The following LDLRAD3 variants were observed in gnomAD, a reference collection of about 807,000 sequenced individuals.
LDLRAD3 encodes the protein low density lipoprotein receptor class A domain containing 3.
LDLRAD3 carries 20 observed loss-of-function variants against 29.4 expected under a neutral mutation model. The ratio of observed to expected loss-of-function variants is 0.68; its 90% CI spans 0.48 to 0.99. The LOEUF is 0.99. Among genes scored for constraint, LDLRAD3 ranks in the 50% least tolerant of loss-of-function variants. The pLI, the probability that LDLRAD3 is intolerant of heterozygous loss-of-function variation, is 0.00. For synonymous variants in LDLRAD3, 157 were observed against 192.7 expected, an observed-to-expected ratio of 0.81 and a Z score of 1.53; for missense variants, 420 against 454.3, an observed-to-expected ratio of 0.92 and a Z score of 0.69.
intron 4 of LDLRAD3, among the ~76,000 whole-genome samples, chr11:36,187,905 T>C (rs1469874216): frequency 2.0e-5 from 3 of 152,194 alleles, no homozygotes; most frequent in Non-Finnish European, 4.4e-5. Context: ...TTTTAAGTAA[T>C]AGCAAAGCCT....
intron 1 of LDLRAD3, among the ~76,000 whole-genome samples, chr11:36,028,843 G>A (rs1852199702): frequency 2.0e-5 from 3 of 152,314 alleles, no homozygotes. Flanking sequence ...GCCATTTGCA[G>A]ACTTGTTCTA....
intron 3 of LDLRAD3, among the ~76,000 whole-genome samples, chr11:36,091,746 G>A (rs1853284554): frequency 1.3e-5 from 2 of 152,144 alleles, no homozygotes; most frequent in Admixed American, 6.5e-5. Flanking sequence ...AAGCCACAAC[G>A]AGGACAAAGA....
chr11:35,967,781 G>A lies in LDLRAD3; in HGVS notation c.46+23637G>A, dbSNP rs1255943840. The A allele has an allele frequency of 6.5e-6, 3 of 464,130 alleles. No homozygotes were observed. In the Admixed American group the frequency reaches 7.1e-5, roughly 11 times the overall value. 28.8% of individuals were successfully genotyped at this position (464,130 alleles called of 1,614,324 possible). Reference sequence around the variant, plus strand: ...GAGTTTTGGCTCTTGGAAGTGATTAGTAGACTTAGTGTTTTCAGATATAGC... The same window carrying A: ...GAGTTTTGGCTCTTGGAAGTGATTAATAGACTTAGTGTTTTCAGATATAGC... On this transcript the variant is annotated intron_variant, in intron 1 of 5. Transcript: ENST00000315571.
At chr11:36,196,250 G>C (rs562534885) in intron 4 of LDLRAD3, 4 of 151,802 alleles carry the variant, frequency 2.6e-5, no homozygotes, top group Admixed American at 2.6e-4. Flanking sequence ...AGACACAAGG[G>C]AGTTGGAAAA....
At chr11:36,085,475 C>T (rs1370894938) in intron 3 of LDLRAD3, among the ~76,000 whole-genome samples, 1 of 151,880 alleles carries the variant, frequency 6.6e-6, no homozygotes, top group Non-Finnish European at 1.5e-5. Flanking sequence ...TTTTGCTATA[C>T]ATGTTCAGCT....
chr11:35,958,381 T>G (rs1006852047), intron 1 of LDLRAD3, among the ~76,000 whole-genome samples: 1 of 152,110 alleles, frequency 6.6e-6, no homozygotes, highest in African/African-American at 2.4e-5. Flanking sequence ...TGATTCAAAT[T>G]TGTAGTGTGT....
At chr11:36,112,011 T>A (rs1407141494) in intron 4 of LDLRAD3, among the ~76,000 whole-genome samples, 1 of 152,246 alleles carries the variant, frequency 6.6e-6, no homozygotes, top group Non-Finnish European at 1.5e-5. Context: ...TGTCTGCTGC[T>A]CAAATTTGCA....
chr11:36,145,956 G>C (rs1472889991), intron 4 of LDLRAD3, among the ~76,000 whole-genome samples: 1 of 148,750 alleles, frequency 6.7e-6, no homozygotes, highest in Non-Finnish European at 1.5e-5. Context: ...ATTGTCCTGT[G>C]ACCCTGCTAA....
chr11:36,212,244 G>A (rs958802148), intron 4 of LDLRAD3, among the ~76,000 whole-genome samples: 5 of 152,182 alleles, frequency 3.3e-5, no homozygotes, highest in African/African-American at 9.6e-5. Flanking sequence ...AGAATGATTA[G>A]ATTGATCCCG....
intron 4 of LDLRAD3, among the ~76,000 whole-genome samples, chr11:36,175,668 G>C (rs1292231118): frequency 6.6e-6 from 1 of 152,186 alleles, no homozygotes; most frequent in African/African-American, 2.4e-5. Context: ...TTTGGTCTGA[G>C]AGAATCCTTG....
Position 36,231,524 on chromosome 11 carries a change from T to C in LDLRAD3, c.*2127T>C, listed in dbSNP as rs1855575508. ...CTTCTTTCTGGTGCTCTGGAAGTTGTTTAGAGGAAAGAATTCTAATTTTAA... is the reference window on the plus strand; with the variant it reads ...CTTCTTTCTGGTGCTCTGGAAGTTGCTTAGAGGAAAGAATTCTAATTTTAA... On this transcript the variant is annotated 3_prime_UTR_variant, in exon 6 of 6. Coordinates refer to ENST00000315571, the MANE Select transcript of LDLRAD3 (RefSeq NM_174902.4). The C allele has an allele frequency of 6.6e-6, 1 of 152,170 alleles. No homozygotes were observed. The highest frequency in any genetic ancestry group is 2.1e-4 in the South Asian group (1 of 4,830). The allele number at this position is 152,170 out of a possible 1,614,324, so 9.4% of individuals were successfully genotyped here. A position where few individuals can be genotyped will look rare whatever the true frequency, so the allele number is the denominator to read the frequency against.
intron 1 of LDLRAD3, among the ~76,000 whole-genome samples, chr11:35,979,366 C>T (rs1284643813): frequency 6.6e-6 from 1 of 152,196 alleles, no homozygotes; most frequent in Non-Finnish European, 1.5e-5. Flanking sequence ...ATCCCCTTGG[C>T]TGCTTTGGGA....
At chr11:35,968,320 A>G (rs553408369) in intron 1 of LDLRAD3, 2 of 364,524 alleles carry the variant, frequency 5.5e-6, no homozygotes, top group Admixed American at 7.0e-5. Flanking sequence ...GAGCCTCTGG[A>G]AGGAGGCTTT....
chr11:36,100,144 C>T lies in LDLRAD3; in HGVS notation c.454+1683C>T, dbSNP rs1000997738. Reference sequence around the variant, plus strand: ...AACTGGCGGGAGTGGGCCCAGCCATCGGCGTTTTACTTAAGAAGCCCTCAA... The same window carrying T: ...AACTGGCGGGAGTGGGCCCAGCCATTGGCGTTTTACTTAAGAAGCCCTCAA... On this transcript the variant is annotated intron_variant, in intron 4 of 5. Coordinates refer to ENST00000315571, the MANE Select transcript of LDLRAD3 (RefSeq NM_174902.4). Among the ~76,000 whole-genome samples, 115 of 152,168 alleles carry T rather than the reference C, an allele frequency of 7.6e-4. 1 individual carries two copies. Among genetic ancestry groups the T allele is most frequent in the Admixed American group, 2.6e-3 (39 of 15,290 alleles).
chr11:36,149,193 T>G (rs2133325574), intron 4 of LDLRAD3, among the ~76,000 whole-genome samples: 1 of 152,302 alleles, frequency 6.6e-6, no homozygotes, highest in South Asian at 2.1e-4. Context: ...AGATGGCCTT[T>G]CTGCAAGATT....
At chr11:36,033,858 T>C (rs547365846) in intron 1 of LDLRAD3, among the ~76,000 whole-genome samples, 1 of 152,300 alleles carries the variant, frequency 6.6e-6, no homozygotes, top group East Asian at 1.9e-4. Flanking sequence ...TCATATTGAT[T>C]CTTGGCTCGG....
In LDLRAD3 at chr11:36,083,735, T is replaced by TACAC. The variant is rs59333454; in HGVS notation, c.319+2000_319+2003dup. ...GGATCTTATAATCTAAGGGAGAAAT[T>TACAC]ACACACACACACACACACACACACA... On this transcript the variant is annotated intron_variant, in intron 3 of 5. Transcript: ENST00000315571. Among the ~76,000 whole-genome samples, 393 of 126,886 alleles carry TACAC rather than the reference T, an allele frequency of 3.1e-3. 2 individuals carry two copies. Among genetic ancestry groups the TACAC allele is most frequent in the African/African-American group, 9.1e-3 (298 of 32,862 alleles). 83.2% of individuals were successfully genotyped at this position (126,886 alleles called of 152,430 possible).
At chr11:36,119,917 C>G (rs1853729386) in intron 4 of LDLRAD3, among the ~76,000 whole-genome samples, 1 of 152,124 alleles carries the variant, frequency 6.6e-6, no homozygotes, top group South Asian at 2.1e-4. Flanking sequence ...ATTCAAAGTG[C>G]CAGAGATTTA....
chr11:36,160,804 C>T (rs754615675), intron 4 of LDLRAD3, among the ~76,000 whole-genome samples: 1 of 151,840 alleles, frequency 6.6e-6, no homozygotes, highest in African/African-American at 2.4e-5. Context: ...TTTTTTTTGG[C>T]GTGGGGAGGG....
Sources: gnomAD v4.1 joint callset for allele counts (sites outside exome capture counted in the v4.1 genomes callset) on GRCh38, gnomAD v4.1.1 for gene constraint, MANE v1.5 for transcripts, NCBI Gene and HGNC (gene_info 2026-07-23, HGNC 2026-07-21) for gene names.